The following TMEM38B variants were observed in gnomAD, a reference collection of about 807,000 sequenced individuals.
TMEM38B encodes the protein trimeric intracellular cation channel type B.
Under a neutral mutation model 28.7 loss-of-function variants are expected in TMEM38B, and 24 were observed. The observed-to-expected ratio is 0.84, with a 90% CI of 0.61 to 1.18. The LOEUF is 1.18. Ranked by LOEUF, TMEM38B falls within the 50% of genes most tolerant of loss-of-function variation. The pLI is 0.00. For synonymous variants in TMEM38B, 131 were observed against 127.7 expected (o/e 1.03, Z -0.17); for missense variants, 380 against 350.9 (o/e 1.08, Z -0.66).
chr9:105,722,902 A>G (rs1383629457), intron 4 of TMEM38B, among the ~76,000 whole-genome samples: 1 of 152,228 alleles, frequency 6.6e-6, no homozygotes, highest in Non-Finnish European at 1.5e-5. Context: ...TGGGAAAAGT[A>G]TATATTTATA....
At chr9:105,747,981 C>A in intron 4 of TMEM38B, 92 bp from the exon 5 acceptor site, 1 of 800,578 alleles carries the variant, frequency 1.2e-6, no homozygotes, top group Non-Finnish European at 2.1e-6. Context: ...ATTAATAACC[C>A]ATTAAGTTAA....
intron 5 of TMEM38B, among the ~76,000 whole-genome samples, chr9:105,765,485 G>A (rs1826342205): frequency 6.6e-6 from 1 of 152,088 alleles, no homozygotes; most frequent in Non-Finnish European, 1.5e-5. Flanking sequence ...GCATTTCCTT[G>A]TACCTTACTC....
At chr9:105,769,845 CAGGAGTG>C (rs1418162852) in intron 5 of TMEM38B, among the ~76,000 whole-genome samples, 2 of 151,838 alleles carry the variant, frequency 1.3e-5, no homozygotes, top group Non-Finnish European at 2.9e-5. Context: ...TGGAATGAGA[CAGGAGTG>C]AGGACAGAGC....
intron 5 of TMEM38B, chr9:105,748,994 T>TA (rs1837542622): frequency 8.7e-7 from 1 of 1,146,188 alleles, no homozygotes; most frequent in African/African-American, 1.6e-5. Context: ...ACAGGATTTT[T>TA]AAAAGGAAAA....
Position 105,774,113 on chromosome 9 carries a change from T to A in TMEM38B, c.*33T>A. Reference sequence around the variant, plus strand: ...TGATGAGCTCTACAAGGCCAAAAATTTTTTTTCTTATCTACCTGTTATATT... The same window carrying A: ...TGATGAGCTCTACAAGGCCAAAAATATTTTTTCTTATCTACCTGTTATATT... On this transcript the variant is annotated 3_prime_UTR_variant, in exon 6 of 6. Transcript: ENST00000374692. The A allele has an allele frequency of 6.3e-7, 1 of 1,593,806 alleles. No individual in the cohort carries two copies. Among genetic ancestry groups the A allele is most frequent in the Non-Finnish European group, 8.6e-7 (1 of 1,168,472 alleles).
intron 5 of TMEM38B, among the ~76,000 whole-genome samples, chr9:105,756,162 A>G (rs1316962654): frequency 6.6e-6 from 1 of 152,222 alleles, no homozygotes; most frequent in South Asian, 2.1e-4. Context: ...AAACAAATAA[A>G]TAAATAATAA....
At chr9:105,758,889 A>G in intron 5 of TMEM38B, 10 of 1,099,850 alleles carry the variant, frequency 9.1e-6, no homozygotes, top group Non-Finnish European at 1.3e-5. Context: ...TGTTGAAGAA[A>G]TTTGGAGATA....
intron 4 of TMEM38B, among the ~76,000 whole-genome samples, chr9:105,743,495 A>T (rs897781611): frequency 6.6e-6 from 1 of 152,200 alleles, no homozygotes; most frequent in Admixed American, 6.5e-5. Flanking sequence ...GTTAGACAAT[A>T]ATTTGTTACT....
chr9:105,695,148 C>T (rs1479633761), intron 1 of TMEM38B, among the ~76,000 whole-genome samples: 1 of 152,204 alleles, frequency 6.6e-6, no homozygotes, highest in Non-Finnish European at 1.5e-5. Context: ...GGCCTCCTCG[C>T]GGTACCGCCA....
chr9:105,711,231 A>C (rs931854409), intron 2 of TMEM38B, among the ~76,000 whole-genome samples: 7 of 150,654 alleles, frequency 4.6e-5, no homozygotes, highest in Non-Finnish European at 8.9e-5. Flanking sequence ...ACCTGAGGTC[A>C]GGAGTTCGAA....
At chr9:105,715,562 T>G (rs950220603) in intron 2 of TMEM38B, among the ~76,000 whole-genome samples, 1 of 152,058 alleles carries the variant, frequency 6.6e-6, no homozygotes, top group Non-Finnish European at 1.5e-5. Flanking sequence ...AAGGATTTTT[T>G]AAAAATCTAT....
chr9:105,737,131 C>A (rs756762497), intron 4 of TMEM38B, among the ~76,000 whole-genome samples: 5 of 152,210 alleles, frequency 3.3e-5, no homozygotes, highest in Non-Finnish European at 7.3e-5. Context: ...GAGCTTGAAA[C>A]TTCTGTAGCA....
intron 4 of TMEM38B, among the ~76,000 whole-genome samples, chr9:105,731,812 G>T (rs1356684938): frequency 6.6e-6 from 1 of 152,074 alleles, no homozygotes; most frequent in African/African-American, 2.4e-5. Context: ...AATCCTTTAG[G>T]TATATACCCA....
At chr9:105,696,347 G>A (rs1326302290) in intron 1 of TMEM38B, among the ~76,000 whole-genome samples, 1 of 152,030 alleles carries the variant, frequency 6.6e-6, no homozygotes, top group Admixed American at 6.6e-5. Flanking sequence ...GTGCAGTGGC[G>A]CGATCTCGGC....
chr9:105,726,526 G>A (rs1033662518), intron 4 of TMEM38B, among the ~76,000 whole-genome samples: 7 of 152,006 alleles, frequency 4.6e-5, no homozygotes, highest in African/African-American at 1.7e-4. Context: ...AGGTCTTAGG[G>A]GCAATAATGC....
chr9:105,753,547 T>G (rs1393691488), intron 5 of TMEM38B, among the ~76,000 whole-genome samples: 2 of 152,120 alleles, frequency 1.3e-5, no homozygotes, highest in African/African-American at 2.4e-5. Flanking sequence ...CAACCCAGAA[T>G]TTCATATCCA....
intron 4 of TMEM38B, among the ~76,000 whole-genome samples, chr9:105,732,395 C>T (rs976372139): frequency 2.0e-5 from 3 of 152,148 alleles, no homozygotes; most frequent in African/African-American, 7.2e-5. Context: ...TGCCTTTGTC[C>T]TGAATGGTAT....
intron 5 of TMEM38B, among the ~76,000 whole-genome samples, chr9:105,751,520 C>T (rs779674779): frequency 6.6e-6 from 1 of 152,174 alleles, no homozygotes; most frequent in Non-Finnish European, 1.5e-5. Flanking sequence ...GAGTCCTTAG[C>T]AAGTGAGGAA....
chr9:105,704,666 C>A (rs1033965619), intron 1 of TMEM38B, among the ~76,000 whole-genome samples: 6 of 151,896 alleles, frequency 4.0e-5, no homozygotes, highest in African/African-American at 1.5e-4. Context: ...TGGCTCACGC[C>A]TGTAATTCCA....
Sources: allele counts gnomAD v4.1 joint callset (sites outside exome capture counted in the v4.1 genomes callset), GRCh38; gene constraint gnomAD v4.1.1; transcripts MANE v1.5; gene names NCBI Gene and HGNC (gene_info 2026-07-23, HGNC 2026-07-21).